ITGB7: variants seen among roughly 807,000 people sequenced by gnomAD.
The protein encoded by ITGB7 is integrin beta-7.
In ITGB7, 55 loss-of-function variants were observed where a neutral mutation model predicts 83.4. The ratio of observed to expected loss-of-function variants is 0.66; its 90% CI spans 0.53 to 0.83. The LOEUF (loss-of-function observed/expected upper bound fraction) is 0.83, where lower values mean the gene tolerates loss of function less well. ITGB7 is among the 40% of genes least tolerant of loss of function. The pLI is 0.00. For synonymous variants in ITGB7, 454 were observed against 423.6 expected (o/e 1.07, Z -0.88); for missense variants, 921 against 1,046.7 (o/e 0.88, Z 1.66).
intron 6 of ITGB7, 75 bp downstream of exon 6, chr12:53,196,504 G>T: frequency 6.5e-7 from 1 of 1,530,100 alleles, no homozygotes; most frequent in Non-Finnish European, 8.9e-7. Context: ...CTAGAACTGT[G>T]CACTACACAA....
At chr12:53,200,523 G>A in intron 2 of ITGB7, 77 bp from the exon 3 acceptor site, 4 of 1,254,002 alleles carry the variant, frequency 3.2e-6, no homozygotes, top group Non-Finnish European at 4.6e-6. Context: ...AACTTAGCTT[G>A]TGGTTATCAC....
intron 15 of ITGB7, 98 bp from the exon 16 acceptor site, chr12:53,191,734 G>C (rs761820105): frequency 1.3e-6 from 2 of 1,517,058 alleles, no homozygotes; most frequent in Non-Finnish European, 1.8e-6. Context: ...CCTAGGAGCT[G>C]ATGGAAGTTA....
chr12:53,196,401 A>G (rs1942160737), intron 6 of ITGB7, 178 bp downstream of exon 6: 1 of 1,054,500 alleles, frequency 9.5e-7, no homozygotes, highest in Middle Eastern at 3.1e-4. Context: ...GTGAATTCGA[A>G]AAACATGCCT....
intron 6 of ITGB7, 133 bp downstream of exon 6, chr12:53,196,446 A>G: frequency 1.6e-6 from 2 of 1,270,858 alleles, no homozygotes; most frequent in South Asian, 1.5e-5. Flanking sequence ...CCCACCAGGT[A>G]ATTGCTAAAT....
intron 3 of ITGB7, among the ~76,000 whole-genome samples, chr12:53,200,041 C>G (rs1942286589): frequency 6.6e-6 from 1 of 152,210 alleles, no homozygotes; most frequent in Non-Finnish European, 1.5e-5. Context: ...GCACAAGAAA[C>G]TTGCATGCAT....
rs11574545 is a variant in ITGB7 at position 53,191,377 on chromosome 12, G to A, written c.*179C>T. 3.2e-6 allele frequency: 2 copies of A among 627,558 alleles called. No individual in the cohort carries two copies. The highest frequency in any genetic ancestry group is 2.9e-6 in the Non-Finnish European group (1 of 346,764). 38.9% of individuals were successfully genotyped at this position (627,558 alleles called of 1,614,324 possible). On this transcript the variant is annotated 3_prime_UTR_variant, in exon 16 of 16. Transcript: ENST00000267082. ...GTGGGGTAGCCCAGATGGATGCAAG[G>A]TTGCAGGCATGGGAAGCAGCCCTCT... is the stretch of plus-strand genomic sequence containing the variant.
chr12:53,200,489 G>A (rs1942300672), intron 2 of ITGB7, 43 bp from the exon 3 acceptor site: 3 of 1,561,738 alleles, frequency 1.9e-6, no homozygotes, highest in Non-Finnish European at 2.6e-6. Flanking sequence ...CCTCAGGGAG[G>A]ACTCTCAAAC....
At position 53,195,158 on chromosome 12, in the gene ITGB7, C is replaced by A. The variant is rs530592910; in HGVS notation, c.1161+216G>T. Reference sequence around the variant, plus strand: ...TGAAACTTTCCTTTCTTGCCCAGAGCAGAGCTCCATGCTGTCTGCATGTCA... The same window carrying A: ...TGAAACTTTCCTTTCTTGCCCAGAGAAGAGCTCCATGCTGTCTGCATGTCA... On this transcript the variant is annotated intron_variant, in intron 9 of 15. Coordinates refer to ENST00000267082, the MANE Select transcript of ITGB7 (RefSeq NM_000889.3). 4.6e-4 allele frequency: 267 copies of A among 575,462 alleles called. 1 individual carries two copies. Among genetic ancestry groups the A allele is most frequent in the Admixed American group, 6.3e-4 (21 of 33,446 alleles). 35.6% of individuals were successfully genotyped at this position (575,462 alleles called of 1,614,324 possible). A position where few individuals can be genotyped will look rare whatever the true frequency, so the allele number is the denominator to read the frequency against.
intron 11 of ITGB7, 127 bp downstream of exon 11, chr12:53,193,581 A>C: frequency 1.1e-6 from 1 of 899,436 alleles, no homozygotes; most frequent in Non-Finnish European, 1.7e-6. Flanking sequence ...TCAAGGGATG[A>C]AACTGAGTGG....
chr12:53,197,665 T>A lies in ITGB7; in HGVS notation c.404-2A>T. ...GGACCTGGAGCTGCTGGGGCTCCCC[T>A]AGGGGGTGGGCGGCGGGCGGGTCAG... On this transcript the variant is annotated splice_acceptor_variant, in intron 4 of 15. Transcript: ENST00000267082. LOFTEE classifies it high-confidence loss of function. The A allele has an allele frequency of 1.2e-6, 2 of 1,613,318 alleles. No individual in the cohort carries two copies. The highest frequency in any genetic ancestry group is 1.7e-6 in the Non-Finnish European group (2 of 1,179,654).
At position 53,198,067 on chromosome 12, in the gene ITGB7, T is replaced by C. The variant is rs1296975609; in HGVS notation, c.202-116A>G. ...AATGCCCCCACCTCCAGTCCACTCC[T>C]TGAGTCCCTGATTCCCTCCCCTCTT... On this transcript the variant is annotated intron_variant, in intron 3 of 15. Coordinates refer to ENST00000267082, the MANE Select transcript of ITGB7 (RefSeq NM_000889.3). 4.3e-6 allele frequency: 3 copies of C among 697,426 alleles called. No homozygotes were observed. The East Asian group carries it at 9.2e-5, about 21-fold the overall frequency. 43.2% of individuals were successfully genotyped at this position (697,426 alleles called of 1,614,324 possible). A position where few individuals can be genotyped will look rare whatever the true frequency, so the allele number is the denominator to read the frequency against.
intron 7 of ITGB7, 118 bp from the exon 8 acceptor site, chr12:53,195,839 CT>C (rs1942144016): frequency 9.7e-7 from 1 of 1,028,878 alleles, no homozygotes; most frequent in South Asian, 1.4e-5. Flanking sequence ...GCCCTGGAGG[CT>C]TGCTATGGAA....
chr12:53,196,280 G>T, intron 6 of ITGB7, 81 bp from the exon 7 acceptor site: 1 of 1,515,740 alleles, frequency 6.6e-7, no homozygotes. Context: ...AGCCAAGAAT[G>T]TGGCCAGCCT....
intron 3 of ITGB7, among the ~76,000 whole-genome samples, chr12:53,198,827 G>A (rs1484801155): frequency 6.6e-6 from 1 of 152,202 alleles, no homozygotes; most frequent in Non-Finnish European, 1.5e-5. Context: ...AACAGAAGAG[G>A]AGGCGTCCTC....
At position 53,196,587 on chromosome 12, in the gene ITGB7, G is replaced by A. The variant is rs1942168396; in HGVS notation, c.808C>T (p.Leu270Phe). 3 of 1,611,854 alleles carry A rather than the reference G, an allele frequency of 1.9e-6. No individual in the cohort carries two copies. Among genetic ancestry groups the A allele is most frequent in the Non-Finnish European group, 8.5e-7 (1 of 1,178,310 alleles). Residue 270 changes from leucine to phenylalanine, a missense_variant, in exon 6 of 16, where the codon CTC (leucine) becomes TTC (phenylalanine). Transcript: ENST00000267082. ...GGFDAILQAA[L>F]CQEQIGWRNV... ...CCGCCCCACCTCCTCACCTGGCAGA[G>A]TGCAGCCTGCAGAATGGCATCGAAG...
At position 53,200,100 on chromosome 12, in the gene ITGB7, C is replaced by T. The variant is rs564705402; in HGVS notation, c.201+143G>A. On this transcript the variant is annotated intron_variant, in intron 3 of 15. Transcript: ENST00000267082. ...CACACAGGAGTCCTATGTGCACAAA[C>T]TCAGTCACACATGAGACTGTGGAGT... 3.0e-5 allele frequency: 21 copies of T among 711,128 alleles called. 3 individuals are homozygous for T. The highest frequency in any genetic ancestry group is 1.9e-4 in the African/African-American group (11 of 56,712). 44.1% of individuals were successfully genotyped at this position (711,128 alleles called of 1,614,324 possible).
chr12:53,194,394 C>A, intron 9 of ITGB7, 50 bp from the exon 10 acceptor site: 1 of 1,587,194 alleles, frequency 6.3e-7, no homozygotes, highest in South Asian at 1.1e-5. Context: ...AAAAGGACTC[C>A]AACCCCACCT....
chr12:53,198,582 C>A (rs780856633), intron 3 of ITGB7, among the ~76,000 whole-genome samples: 149 of 152,106 alleles, frequency 9.8e-4, no homozygotes, highest in Middle Eastern at 3.4e-3. Flanking sequence ...CTTGTCAGAG[C>A]CCCACTTCCT....
chr12:53,202,350 CTCTG>C (rs1194103437), intron 1 of ITGB7, among the ~76,000 whole-genome samples: 1 of 152,090 alleles, frequency 6.6e-6, no homozygotes, highest in East Asian at 1.9e-4. Flanking sequence ...CAGAGTGAAA[CTCTG>C]TCTTTTTTGT....
Sources: allele counts gnomAD v4.1 joint callset (sites outside exome capture counted in the v4.1 genomes callset), GRCh38; gene constraint gnomAD v4.1.1; transcripts MANE v1.5; gene names NCBI Gene and HGNC (gene_info 2026-07-23, HGNC 2026-07-21).